ANGEL2: variants seen among roughly 807,000 people sequenced by gnomAD.
The protein encoded by ANGEL2 is angel homolog 2.
In ANGEL2, 41 loss-of-function variants were observed where a neutral mutation model predicts 66.0. The ratio of observed to expected loss-of-function variants is 0.62; its 90% CI spans 0.48 to 0.81. The LOEUF (loss-of-function observed/expected upper bound fraction) is 0.81. Ranked by LOEUF, ANGEL2 falls within the 30% of genes least tolerant of loss-of-function variation. The probability of loss-of-function intolerance (pLI) is 0.00; values close to 1 mark genes in which losing one functional copy is unlikely to be tolerated. For synonymous variants in ANGEL2, 208 were observed against 226.5 expected (o/e 0.92, Z 0.73); for missense variants, 561 against 641.6 (o/e 0.87, Z 1.36).
At position 213,008,397 on chromosome 1, in the gene ANGEL2, T is replaced by C; in HGVS notation, c.455A>G (p.Lys152Arg). 6.2e-7 allele frequency: 1 copy of C among 1,614,142 alleles called. No individual in the cohort carries two copies. Among genetic ancestry groups the C allele is most frequent in the African/African-American group, 1.3e-5 (1 of 75,054 alleles). ...GTCTTCACATTTGGGATCAACATTT[T>C]TGTCTCCTAGGATCTTCGTTTTTTC... ...DKEKTKILGD[K>R]NVDPKCEDSE... Residue 152 changes from lysine to arginine, a missense_variant, in exon 3 of 9, where the codon AAA (lysine) becomes AGA (arginine). By Grantham distance (26) the Lys-to-Arg change is conservative. Transcript: ENST00000366962.
At position 212,997,099 on chromosome 1, in the gene ANGEL2, T is replaced by C. The variant is rs2076045354; in HGVS notation, c.1483+56A>G. 9 of 1,474,412 alleles carry C rather than the reference T, an allele frequency of 6.1e-6. No individual in the cohort carries two copies. In the South Asian group the frequency reaches 1.2e-4, roughly 20 times the overall value. The allele number at this position is 1,474,412 out of a possible 1,614,324, so 91.3% of individuals were successfully genotyped here. On this transcript the variant is annotated intron_variant, in intron 8 of 8. Transcript: ENST00000366962. The stretch of plus-strand genomic sequence containing the variant: ...TAGAGAGCTTTCTTAACTTTAACCT[T>C]GAGGTTTTAGCTACTGTGCTCTCTA...
At chr1:213,015,386 A>C (rs1366900112) in intron 1 of ANGEL2, 1 of 1,415,354 alleles carries the variant, frequency 7.1e-7, no homozygotes, top group Non-Finnish European at 9.2e-7. Context: ...ACTCCGCGCC[A>C]AGACCCCAGA....
Position 212,997,252 on chromosome 1 carries a change from A to G in ANGEL2, c.1386T>C (p.Thr462=). 1 of 1,613,706 alleles carries G rather than the reference A, an allele frequency of 6.2e-7. No homozygotes were observed. Among genetic ancestry groups the G allele is most frequent in the Non-Finnish European group, 8.5e-7 (1 of 1,179,618 alleles). The change falls in exon 8 of 9, where the codon ACT becomes ACC. Residue 462 remains threonine (T), a synonymous_variant. Coordinates refer to ENST00000366962, the MANE Select transcript of ANGEL2 (RefSeq NM_144567.5). ...SSVYSHYFPD[T]GIPEVTTCHS... is the part of the protein sequence containing the mutation. ...GACAGGTGGTCACTTCTGGAATTCC[A>G]GTGTCAGGAAAGTAATGTGAATAAA...
In ANGEL2 at chr1:212,995,171, C is replaced by T; in HGVS notation, c.1505G>A (p.Gly502Asp). The change falls in exon 9 of 9, where the codon GGT becomes GAT. Residue 502 changes from glycine to aspartate, a missense_variant. Coordinates refer to ENST00000366962, the MANE Select transcript of ANGEL2 (RefSeq NM_144567.5). ...GHPGAEVALV[G>D]GLKLLARLSL... ...CAGTCTAGCTAGAAGTTTCAAGCCA[C>T]CAACCAAAGCAACTTCAGCTCCTAC... 2 of 1,605,780 alleles carry T rather than the reference C, an allele frequency of 1.2e-6. No homozygotes were observed. Among genetic ancestry groups the T allele is most frequent in the Non-Finnish European group, 1.7e-6 (2 of 1,175,842 alleles).
At chr1:212,999,030 G>C (rs1397209933) in intron 7 of ANGEL2, among the ~76,000 whole-genome samples, 2 of 151,868 alleles carry the variant, frequency 1.3e-5, no homozygotes, top group African/African-American at 4.8e-5. Context: ...ATGCCACCAT[G>C]CCCGGCTAAT....
At chr1:213,015,261 C>G (rs1227956674) in intron 1 of ANGEL2, 1 of 1,101,178 alleles carries the variant, frequency 9.1e-7, no homozygotes, top group East Asian at 5.3e-5. Flanking sequence ...CGCTCGGTTC[C>G]CGGGACGGTG....
intron 2 of ANGEL2, among the ~76,000 whole-genome samples, chr1:213,010,679 G>C (rs948541500): frequency 6.6e-6 from 1 of 151,708 alleles, no homozygotes; most frequent in Admixed American, 6.6e-5. Flanking sequence ...ATGTATACAA[G>C]ATGGAAAGGG....
intron 1 of ANGEL2, chr1:213,015,358 C>G: frequency 7.1e-7 from 1 of 1,404,438 alleles, no homozygotes; most frequent in African/African-American, 1.5e-5. Context: ...TGGCACAAGC[C>G]TGGCCGGCGG....
intron 6 of ANGEL2, 63 bp from the exon 7 acceptor site, chr1:213,000,446 T>C (rs2076147036): frequency 2.2e-6 from 3 of 1,385,996 alleles, no homozygotes; most frequent in Non-Finnish European, 2.0e-6. Flanking sequence ...ATCGTCATCT[T>C]ACTCTAGAAA....
At chr1:213,000,209 C>T (rs2076140772) in intron 7 of ANGEL2, 117 bp downstream of exon 7, 1 of 925,600 alleles carries the variant, frequency 1.1e-6, no homozygotes, top group African/African-American at 1.6e-5. Flanking sequence ...AGGGCCAGCA[C>T]CCTTCACCAG....
intron 6 of ANGEL2, 148 bp downstream of exon 6, chr1:213,000,638 G>C (rs1030346933): frequency 9.1e-6 from 8 of 881,992 alleles, no homozygotes; most frequent in Middle Eastern, 3.5e-4. Flanking sequence ...GGTAAATTTA[G>C]AGGTCTTAAG....
At position 212,997,087 on chromosome 1, in the gene ANGEL2, T is replaced by G. The variant is rs2076044873; in HGVS notation, c.1483+68A>C. ...CAACTGGATGTTTAGAGAGCTTTCT[T>G]AACTTTAACCTTGAGGTTTTAGCTA... On this transcript the variant is annotated intron_variant, in intron 8 of 8. Transcript: ENST00000366962. 5 of 1,412,268 alleles carry G rather than the reference T, an allele frequency of 3.5e-6. No individual in the cohort carries two copies. The Admixed American group carries it at 1.0e-4, about 29-fold the overall frequency. The allele number at this position is 1,412,268 out of a possible 1,614,324, so 87.5% of individuals were successfully genotyped here. A position where few individuals can be genotyped will look rare whatever the true frequency, so the allele number is the denominator to read the frequency against.
At chr1:213,010,242 G>C (rs1244977059) in intron 2 of ANGEL2, among the ~76,000 whole-genome samples, 1 of 151,942 alleles carries the variant, frequency 6.6e-6, no homozygotes, top group African/African-American at 2.4e-5. Flanking sequence ...GCTCTGCAGA[G>C]CCATTCAGAT....
chr1:213,012,629 CATGTCTTCCATTT>C (rs1399191621), intron 2 of ANGEL2, among the ~76,000 whole-genome samples: 2 of 152,090 alleles, frequency 1.3e-5, no homozygotes, highest in East Asian at 3.8e-4. Flanking sequence ...CCTATAAGAC[CATGTCTTCCATTT>C]ATGATTGCTT....
At chr1:212,997,076 G>A (rs147961274) in intron 8 of ANGEL2, 79 bp downstream of exon 8, 118 of 1,304,588 alleles carry the variant, frequency 9.0e-5, no homozygotes, top group African/African-American at 6.8e-4. Context: ...TGGATGTTTA[G>A]AGAGCTTTCT....
At chr1:212,995,820 G>C (rs375925869) in intron 8 of ANGEL2, among the ~76,000 whole-genome samples, 4 of 151,670 alleles carry the variant, frequency 2.6e-5, no homozygotes, top group Non-Finnish European at 4.4e-5. Flanking sequence ...AAGAAAGGAG[G>C]GGGGAACAAA....
chr1:212,997,579 G>A (rs545769680), intron 7 of ANGEL2, among the ~76,000 whole-genome samples: 1 of 152,030 alleles, frequency 6.6e-6, no homozygotes, highest in African/African-American at 2.4e-5. Context: ...TATTTATAAC[G>A]TGTGAATGCC....
At chr1:212,996,915 G>C (rs887359898) in intron 8 of ANGEL2, among the ~76,000 whole-genome samples, 1 of 151,982 alleles carries the variant, frequency 6.6e-6, no homozygotes, top group African/African-American at 2.4e-5. Context: ...GGAACTGGAG[G>C]GTAGGACTGC....
At chr1:212,997,389 CTT>C in intron 7 of ANGEL2, 71 bp from the exon 8 acceptor site, 3 of 1,367,770 alleles carry the variant, frequency 2.2e-6, no homozygotes, top group Non-Finnish European at 3.0e-6. Flanking sequence ...ATCTGAATTT[CTT>C]TTTCACTTAA....
Sources: gnomAD v4.1 joint callset for allele counts (sites outside exome capture counted in the v4.1 genomes callset) on GRCh38, gnomAD v4.1.1 for gene constraint, MANE v1.5 for transcripts, NCBI Gene and HGNC (gene_info 2026-07-23, HGNC 2026-07-21) for gene names.